PPFIA2: variants seen among roughly 807,000 people sequenced by gnomAD.
PPFIA2 encodes the protein PPFI scaffold protein A2.
In PPFIA2, 46 loss-of-function variants were observed where a neutral mutation model predicts 175.5. The ratio of observed to expected loss-of-function variants is 0.26; its 90% CI spans 0.21 to 0.34. The LOEUF (loss-of-function observed/expected upper bound fraction) is 0.34. Ranked by LOEUF, PPFIA2 falls within the 10% of genes least tolerant of loss-of-function variation. The pLI is 1.00. For synonymous variants in PPFIA2, 568 were observed against 511.4 expected, an observed-to-expected ratio of 1.11 and a Z score of -1.49; for missense variants, 1,179 against 1,506.1, an observed-to-expected ratio of 0.78 and a Z score of 3.60.
At chr12:81,657,044 A>G (rs1438679808) in intron 4 of PPFIA2, among the ~76,000 whole-genome samples, 1 of 152,198 alleles carries the variant, frequency 6.6e-6, no homozygotes, top group Non-Finnish European at 1.5e-5. Context: ...GTTAAGTGAA[A>G]AAAATGCATA....
chr12:81,484,454 C>A (rs1328486336), intron 4 of PPFIA2, among the ~76,000 whole-genome samples: 1 of 151,850 alleles, frequency 6.6e-6, no homozygotes, highest in Non-Finnish European at 1.5e-5. Context: ...GGCAGAAATA[C>A]CCTCAAAGAT....
chr12:81,690,945 C>T (rs1314796361), intron 3 of PPFIA2, among the ~76,000 whole-genome samples: 1 of 152,082 alleles, frequency 6.6e-6, no homozygotes, highest in Non-Finnish European at 1.5e-5. Flanking sequence ...ACCCTTTTGC[C>T]TCCTTCTTAT....
Position 81,464,542 on chromosome 12 carries a change from G to T in PPFIA2, c.304-6676C>A, listed in dbSNP as rs78361322. 6.2e-3 allele frequency among the ~76,000 whole-genome samples: 942 copies of T among 152,204 alleles called. 11 individuals carry two copies. Among genetic ancestry groups the T allele is most frequent in the African/African-American group, 0.021 (875 of 41,544 alleles). On this transcript the variant is annotated intron_variant, in intron 4 of 32. Transcript: ENST00000549396. Reference sequence around the variant, plus strand: ...TGTCTGTGCTGCAAATATCTCAAATGACAGGCCTTAGGTCAATATGTTGTT... The same window carrying T: ...TGTCTGTGCTGCAAATATCTCAAATTACAGGCCTTAGGTCAATATGTTGTT...
chr12:81,436,737 T>G lies in PPFIA2; in HGVS notation c.645+3235A>C, dbSNP rs192471396. Among the ~76,000 whole-genome samples the G allele has an allele frequency of 5.3e-4, 81 of 152,338 alleles. 1 individual carries two copies. Among genetic ancestry groups the G allele is most frequent in the African/African-American group, 1.9e-3 (80 of 41,580 alleles). On this transcript the variant is annotated intron_variant, in intron 7 of 32. Coordinates refer to ENST00000549396, the MANE Select transcript of PPFIA2 (RefSeq NM_003625.5). ...ATTTTATTAAGAAGTTAAAGTTGAC[T>G]CTTTTCTAATTACTCTCTTAAAAGA...
At chr12:81,292,433 A>G (rs2137685861) in intron 24 of PPFIA2, 1 of 152,226 alleles carries the variant, frequency 6.6e-6, no homozygotes, top group South Asian at 2.1e-4. Flanking sequence ...CAACATGACC[A>G]ATCTCTCCCC....
At chr12:81,735,766 G>A (rs1196104187) in intron 3 of PPFIA2, among the ~76,000 whole-genome samples, 1 of 151,758 alleles carries the variant, frequency 6.6e-6, no homozygotes, top group African/African-American at 2.4e-5. Flanking sequence ...TGTGTATGAT[G>A]TTTGGTAAGG....
chr12:81,308,641 T>A (rs1218537758), intron 22 of PPFIA2, among the ~76,000 whole-genome samples: 1 of 152,248 alleles, frequency 6.6e-6, no homozygotes, highest in Non-Finnish European at 1.5e-5. Context: ...CATTTGTTTT[T>A]AGAAGTGGCA....
intron 4 of PPFIA2, among the ~76,000 whole-genome samples, chr12:81,639,917 G>A (rs2064722051): frequency 6.6e-6 from 1 of 152,016 alleles, no homozygotes; most frequent in African/African-American, 2.4e-5. Flanking sequence ...CTAATAAAAT[G>A]AATATAAGTT....
At chr12:81,568,982 ACT>A (rs989581820) in intron 4 of PPFIA2, among the ~76,000 whole-genome samples, 27 of 152,280 alleles carry the variant, frequency 1.8e-4, no homozygotes, top group African/African-American at 6.5e-4. Flanking sequence ...ATAGAAAATC[ACT>A]GTTTTGATAA....
chr12:81,386,833 G>T (rs2039078133), intron 8 of PPFIA2, among the ~76,000 whole-genome samples: 1 of 152,026 alleles, frequency 6.6e-6, no homozygotes, highest in Non-Finnish European at 1.5e-5. Flanking sequence ...TTAAAAACAT[G>T]AATTTGTTTC....
At chr12:81,496,374 C>T (rs988031780) in intron 4 of PPFIA2, among the ~76,000 whole-genome samples, 4 of 151,940 alleles carry the variant, frequency 2.6e-5, no homozygotes, top group African/African-American at 9.7e-5. Flanking sequence ...CAGAAAATTG[C>T]CAATATATTA....
intron 23 of PPFIA2, among the ~76,000 whole-genome samples, chr12:81,298,675 T>C (rs2047072046): frequency 6.6e-6 from 1 of 152,176 alleles, no homozygotes; most frequent in Non-Finnish European, 1.5e-5. Flanking sequence ...TCAAGGTCAG[T>C]TTCTGCTGCC....
chr12:81,591,917 T>A (rs2058719317), intron 4 of PPFIA2, among the ~76,000 whole-genome samples: 1 of 151,986 alleles, frequency 6.6e-6, no homozygotes, highest in African/African-American at 2.4e-5. Context: ...CCCAGAATGG[T>A]AGATCCACTG....
Position 81,490,122 on chromosome 12 carries a change from C to A in PPFIA2, c.304-32256G>T, listed in dbSNP as rs560724354. Among the ~76,000 whole-genome samples the A allele has an allele frequency of 4.6e-5, 7 of 151,870 alleles. No individual in the cohort carries two copies. In the South Asian group the frequency reaches 1.5e-3, roughly 31 times the overall value. ...GCTACATGGCTGATGTTGAATTAAG[C>A]GAATTAAGTTGTTGGAAACACACAA... On this transcript the variant is annotated intron_variant, in intron 4 of 32. Coordinates refer to ENST00000549396, the MANE Select transcript of PPFIA2 (RefSeq NM_003625.5).
intron 4 of PPFIA2, among the ~76,000 whole-genome samples, chr12:81,481,203 C>T (rs1196637932): frequency 6.6e-6 from 1 of 152,108 alleles, no homozygotes; most frequent in African/African-American, 2.4e-5. Flanking sequence ...AGGACCTCTT[C>T]AACTAGAACT....
intron 4 of PPFIA2, among the ~76,000 whole-genome samples, chr12:81,593,730 G>A (rs900601299): frequency 6.6e-6 from 1 of 152,114 alleles, no homozygotes; most frequent in Non-Finnish European, 1.5e-5. Flanking sequence ...TTTTCCAGTG[G>A]GCACTTTGAG....
chr12:81,705,473 A>C (rs1418788465), intron 3 of PPFIA2, among the ~76,000 whole-genome samples: 1 of 149,830 alleles, frequency 6.7e-6, no homozygotes, highest in Non-Finnish European at 1.5e-5. Flanking sequence ...AAAAAAAAAA[A>C]AGAAAAGAAA....
chr12:81,742,064 C>T (rs1019766116), intron 3 of PPFIA2, among the ~76,000 whole-genome samples: 1 of 152,098 alleles, frequency 6.6e-6, no homozygotes, highest in Non-Finnish European at 1.5e-5. Context: ...GAATCCCTGA[C>T]CCGTTGGACA....
At chr12:81,530,445 T>C (rs374132045) in intron 4 of PPFIA2, among the ~76,000 whole-genome samples, 17 of 152,110 alleles carry the variant, frequency 1.1e-4, no homozygotes, top group African/African-American at 4.1e-4. Context: ...TCCAATCTAA[T>C]GATGTAATAG....
Sources: gnomAD v4.1 joint callset for allele counts (sites outside exome capture counted in the v4.1 genomes callset) on GRCh38, gnomAD v4.1.1 for gene constraint, MANE v1.5 for transcripts, NCBI Gene and HGNC (gene_info 2026-07-23, HGNC 2026-07-21) for gene names.